The following ZNF157 variants were observed in gnomAD, a reference collection of about 807,000 sequenced individuals.
The protein encoded by ZNF157 is zinc finger protein 157.
A neutral mutation model predicts 9.4 loss-of-function variants in ZNF157; 8 were observed. The ratio of observed to expected loss-of-function variants is 0.85; its 90% CI spans 0.50 to 1.53. The LOEUF is 1.53. Ranked by LOEUF, ZNF157 falls within the 40% of genes most tolerant of loss-of-function variation. The probability of loss-of-function intolerance (pLI) is 0.00; values close to 1 mark genes in which losing one functional copy is unlikely to be tolerated. For missense variants in ZNF157, 316 were observed against 385.2 expected (o/e 0.82, Z 1.50); for synonymous variants, 120 against 130.8 (o/e 0.92, Z 0.56).
chrX:47,401,406 C>A (rs191472400), intron 1 of ZNF157, among the ~76,000 whole-genome samples: 1 of 112,128 alleles, frequency 8.9e-6, no homozygotes, highest in Non-Finnish European at 1.9e-5. Context: ...AGAGTGTCTG[C>A]TCTTTGCAAT....
In ZNF157 at chrX:47,383,663, G is replaced by A. The variant is rs997148530; in HGVS notation, c.72+12923G>A. ...GTCAAGCCTGCAGTAAGCCATGATC[G>A]CACCACTGCACTCTGTCTCAGAAAA... On this transcript the variant is annotated intron_variant, in intron 1 of 3. Coordinates refer to ENST00000377073, the MANE Select transcript of ZNF157 (RefSeq NM_003446.4). Among the ~76,000 whole-genome samples the A allele has an allele frequency of 5.9e-4, 52 of 87,562 alleles. No individual in the cohort carries two copies. In the East Asian group the frequency reaches 9.9e-3, roughly 17 times the overall value. 76.0% of individuals were successfully genotyped at this position (87,562 alleles called of 115,157 possible).
intron 1 of ZNF157, among the ~76,000 whole-genome samples, chrX:47,396,216 G>C: frequency 9.1e-6 from 1 of 110,398 alleles, no homozygotes; most frequent in East Asian, 2.8e-4. Context: ...GTCCAGCCTG[G>C]GTAACGAAGC....
chrX:47,391,791 C>T (rs1226141398), intron 1 of ZNF157, among the ~76,000 whole-genome samples: 1 of 111,501 alleles, frequency 9.0e-6, no homozygotes, highest in Non-Finnish European at 1.9e-5. Flanking sequence ...CTCAGGTGAT[C>T]CACTCGCCTT....
chrX:47,378,735 G>A (rs1167947638), intron 1 of ZNF157, among the ~76,000 whole-genome samples: 1 of 111,299 alleles, frequency 9.0e-6, no homozygotes, highest in Non-Finnish European at 1.9e-5. Context: ...CTACTCGGGA[G>A]GCTGAGGCAG....
At chrX:47,412,293 A>T in intron 3 of ZNF157, 76 bp from the exon 4 acceptor site, 1 of 893,488 alleles carries the variant, frequency 1.1e-6, no homozygotes, top group Non-Finnish European at 1.6e-6. Context: ...TAAGGAGTTT[A>T]ATTTTATACT....
intron 1 of ZNF157, among the ~76,000 whole-genome samples, chrX:47,396,259 G>T (rs1254661049): frequency 9.1e-6 from 1 of 110,437 alleles, no homozygotes. Context: ...TGATATATTG[G>T]CCGGGTGCAG....
Position 47,378,206 on chromosome X carries a change from T to C in ZNF157, c.72+7466T>C, listed in dbSNP as rs142945440. 4.7e-3 allele frequency among the ~76,000 whole-genome samples: 513 copies of C among 110,264 alleles called. 6 individuals carry two copies. The highest frequency in any genetic ancestry group is 0.016 in the African/African-American group (486 of 30,328). On this transcript the variant is annotated intron_variant, in intron 1 of 3. Transcript: ENST00000377073. ...CAGGTCATGGATCAAATCATAGGAGTTGAAGCTGTCCTCTTGTGCTGAGTC... is the reference window on the plus strand; with the variant it reads ...CAGGTCATGGATCAAATCATAGGAGCTGAAGCTGTCCTCTTGTGCTGAGTC...
Position 47,405,814 on chromosome X carries a change from T to G in ZNF157, c.73-4462T>G, listed in dbSNP as rs73492365. Among the ~76,000 whole-genome samples, 1,027 of 111,428 alleles carry G rather than the reference T, an allele frequency of 9.2e-3. 16 individuals carry two copies. The highest frequency in any genetic ancestry group is 0.032 in the African/African-American group (987 of 30,735). On this transcript the variant is annotated intron_variant, in intron 1 of 3. Transcript: ENST00000377073. ...GTACTTTGCTTTTACATGGAAAACA[T>G]AGCTTTTACATATTTTTAGGTTTTT...
intron 1 of ZNF157, among the ~76,000 whole-genome samples, chrX:47,400,223 C>T (rs766661799): frequency 9.0e-6 from 1 of 110,536 alleles, no homozygotes; most frequent in South Asian, 3.9e-4. Context: ...TCTTGAACTC[C>T]TGACCTCAGG....
intron 1 of ZNF157, among the ~76,000 whole-genome samples, chrX:47,404,482 T>C (rs2055940870): frequency 9.1e-6 from 1 of 110,204 alleles, no homozygotes; most frequent in Non-Finnish European, 1.9e-5. Flanking sequence ...GGAGAATCTG[T>C]CTGAAACAAA....
rs1174845373 is a variant in ZNF157 at position 47,409,272 on chromosome X, G to T, written c.73-1004G>T. 3.6e-5 allele frequency among the ~76,000 whole-genome samples: 4 copies of T among 111,847 alleles called. 1 individual carries two copies. Among genetic ancestry groups the T allele is most frequent in the Admixed American group, 1.9e-4 (2 of 10,474 alleles). Reference sequence around the variant, plus strand: ...CCCAGCTGTTCATGCAGTTATCCTGGGAGCAATACTGTCTCCCTTTCTCCC... The same window carrying T: ...CCCAGCTGTTCATGCAGTTATCCTGTGAGCAATACTGTCTCCCTTTCTCCC... On this transcript the variant is annotated intron_variant, in intron 1 of 3. Transcript: ENST00000377073.
chrX:47,383,371 C>CA (rs35133137), intron 1 of ZNF157, among the ~76,000 whole-genome samples: 2,960 of 18,701 alleles, frequency 0.16, 792 homozygotes, highest in East Asian at 0.51. Context: ...GACTCAGTCT[C>CA]AAAAAAAAAA....
chrX:47,374,256 A>G (rs965511900), intron 1 of ZNF157, among the ~76,000 whole-genome samples: 36 of 111,172 alleles, frequency 3.2e-4, no homozygotes, highest in African/African-American at 1.2e-3. Flanking sequence ...TCCCTCACTC[A>G]TCTGTTGTCA....
chrX:47,409,428 G>A (rs749408187), intron 1 of ZNF157, among the ~76,000 whole-genome samples: 3 of 111,299 alleles, frequency 2.7e-5, no homozygotes, highest in African/African-American at 6.5e-5. Context: ...TCCACCTCCC[G>A]GGTTCAAGTG....
chrX:47,390,215 G>A (rs1053699696), intron 1 of ZNF157: 2 of 111,551 alleles, frequency 1.8e-5, no homozygotes, highest in African/African-American at 6.5e-5. Context: ...AATGGATAAA[G>A]TATTGTTCCC....
At chrX:47,374,472 C>G (rs1363503504) in intron 1 of ZNF157, among the ~76,000 whole-genome samples, 1 of 102,489 alleles carries the variant, frequency 9.8e-6, no homozygotes, top group Non-Finnish European at 2.0e-5. Flanking sequence ...GATCTTGGCT[C>G]ACTGCAACCT....
intron 1 of ZNF157, among the ~76,000 whole-genome samples, chrX:47,391,991 G>T (rs775477638): frequency 9.1e-6 from 1 of 109,461 alleles, no homozygotes; most frequent in Admixed American, 9.9e-5. Context: ...CCAGGTTCAC[G>T]CCATTCTCCT....
At chrX:47,394,972 CCAT>C (rs1334151316) in intron 1 of ZNF157, among the ~76,000 whole-genome samples, 2 of 111,415 alleles carry the variant, frequency 1.8e-5, no homozygotes, top group Non-Finnish European at 3.8e-5. Flanking sequence ...GAGCACACCA[CCAT>C]GTCCAGCTAA....
intron 1 of ZNF157, among the ~76,000 whole-genome samples, chrX:47,393,288 G>A (rs1300856421): frequency 8.9e-6 from 1 of 112,035 alleles, no homozygotes; most frequent in Non-Finnish European, 1.9e-5. Context: ...CAGATAGTTC[G>A]ATCAGCCCAT....
Sources: allele counts gnomAD v4.1 joint callset (sites outside exome capture counted in the v4.1 genomes callset), GRCh38; gene constraint gnomAD v4.1.1; transcripts MANE v1.5; gene names NCBI Gene and HGNC (gene_info 2026-07-23, HGNC 2026-07-21).